CCDC62: variants seen among roughly 807,000 people sequenced by gnomAD.
CCDC62 encodes the protein coiled-coil domain containing 62, also known as coiled-coil domain-containing protein 62.
CCDC62 carries 72 observed loss-of-function variants against 80.8 expected under a neutral mutation model. That is an observed-to-expected ratio of 0.89 (90% confidence interval 0.74 to 1.08). The LOEUF is 1.08. CCDC62 is among the 50% of genes least tolerant of loss of function. The probability of loss-of-function intolerance (pLI) is 0.00; values close to 1 mark genes in which losing one functional copy is unlikely to be tolerated. For synonymous variants in CCDC62, 286 were observed against 296.5 expected, an observed-to-expected ratio of 0.96 and a Z score of 0.36; for missense variants, 704 against 809.4, an observed-to-expected ratio of 0.87 and a Z score of 1.58.
chr12:122,781,141 A>G (rs12312837), intron 2 of CCDC62, 23 bp from the exon 3 acceptor site: 90,523 of 1,592,712 alleles, frequency 0.057, 3,813 homozygotes, highest in East Asian at 0.27. Flanking sequence ...TGTGACTACA[A>G]ATTATTGATG....
At chr12:122,817,928 C>T (rs114692683) in intron 11 of CCDC62, among the ~76,000 whole-genome samples, 4 of 152,234 alleles carry the variant, frequency 2.6e-5, no homozygotes, top group African/African-American at 9.6e-5. Context: ...CCTTCTCCAC[C>T]TTGGCACCCT....
chr12:122,788,621 T>C (rs562213422), intron 4 of CCDC62, 137 bp from the exon 5 acceptor site: 2 of 588,958 alleles, frequency 3.4e-6, no homozygotes, highest in Non-Finnish European at 3.0e-6. Context: ...AGAGTTACTG[T>C]AAAGATTAAA....
intron 9 of CCDC62, among the ~76,000 whole-genome samples, chr12:122,804,380 G>A (rs556622106): frequency 2.0e-5 from 3 of 152,148 alleles, no homozygotes; most frequent in African/African-American, 4.8e-5. Flanking sequence ...CCAGCTACTC[G>A]GGAGGCTGAG....
intron 5 of CCDC62, 148 bp from the exon 6 acceptor site, chr12:122,791,872 T>C (rs1332326407): frequency 9.5e-6 from 6 of 634,834 alleles, no homozygotes; most frequent in Non-Finnish European, 1.1e-5. Context: ...TTGCCAGGTG[T>C]GGAGATGTTG....
intron 10 of CCDC62, among the ~76,000 whole-genome samples, chr12:122,812,768 AGAGAG>A (rs2031966675): frequency 9.0e-5 from 8 of 88,664 alleles, no homozygotes; most frequent in African/African-American, 3.3e-4. Context: ...AGAGAGAGAG[AGAGAG>A]AGAGAGAAAG....
At chr12:122,823,499 A>G (rs1226057086) in intron 12 of CCDC62, 40 bp downstream of exon 12, 1 of 947,102 alleles carries the variant, frequency 1.1e-6, no homozygotes, top group African/African-American at 1.6e-5. Context: ...ATCTCAATTA[A>G]TATTTAATAA....
chr12:122,774,811 C>A, intron 1 of CCDC62, 105 bp downstream of exon 1: 1 of 918,016 alleles, frequency 1.1e-6, no homozygotes, highest in South Asian at 5.6e-5. Flanking sequence ...TGAAACAGGC[C>A]GGGCGCGGTG....
chr12:122,787,745 A>G (rs1363282608), intron 4 of CCDC62, among the ~76,000 whole-genome samples: 1 of 151,498 alleles, frequency 6.6e-6, no homozygotes, highest in Non-Finnish European at 1.5e-5. Context: ...GCGAGACTTC[A>G]TCTGGAAAAA....
intron 11 of CCDC62, among the ~76,000 whole-genome samples, chr12:122,818,327 CCTGTAGTCCCGGCTACTTGAAAGG>C (rs1172963480): frequency 6.6e-6 from 1 of 151,992 alleles, no homozygotes; most frequent in Non-Finnish European, 1.5e-5. Flanking sequence ...GTGGCGGGCG[CCTGTAGTCCCGGCTACTTGAAAGG>C]CTGAGGCAGG....
intron 2 of CCDC62, 101 bp from the exon 3 acceptor site, chr12:122,781,063 A>T: frequency 1.2e-6 from 1 of 858,814 alleles, no homozygotes; most frequent in Non-Finnish European, 1.8e-6. Context: ...TTGTCTTTTT[A>T]AAAATTCTCT....
intron 4 of CCDC62, among the ~76,000 whole-genome samples, chr12:122,788,300 A>G (rs2030391100): frequency 6.6e-6 from 1 of 152,210 alleles, no homozygotes; most frequent in Non-Finnish European, 1.5e-5. Context: ...GGAGTCTGTC[A>G]TGTTAACAAG....
chr12:122,821,851 T>G (rs761938217), intron 11 of CCDC62, among the ~76,000 whole-genome samples: 1 of 152,178 alleles, frequency 6.6e-6, no homozygotes, highest in African/African-American at 2.4e-5. Context: ...AAACCAGCTG[T>G]GTATCTATCA....
intron 6 of CCDC62, among the ~76,000 whole-genome samples, chr12:122,792,666 A>G (rs839361): frequency 0.93 from 141,899 of 152,038 alleles, 66,382 homozygotes; most frequent in East Asian, 0.99. Context: ...TTACAGGCGC[A>G]TGCTACCATG....
chr12:122,778,102 C>G (rs1314073629), intron 2 of CCDC62, among the ~76,000 whole-genome samples: 2 of 152,138 alleles, frequency 1.3e-5, no homozygotes, highest in Non-Finnish European at 2.9e-5. Flanking sequence ...CACAGTGGCT[C>G]ACACCTGTAA....
intron 6 of CCDC62, 110 bp from the exon 7 acceptor site, chr12:122,797,197 A>G (rs79206681): frequency 3.2e-6 from 2 of 619,882 alleles, no homozygotes; most frequent in South Asian, 3.5e-5. Flanking sequence ...ATTTTTAAGT[A>G]CAGGAACAAC....
intron 9 of CCDC62, among the ~76,000 whole-genome samples, chr12:122,805,506 G>A (rs572234673): frequency 9.5e-6 from 1 of 105,210 alleles, no homozygotes; most frequent in Non-Finnish European, 1.9e-5. Flanking sequence ...ACCACACCCA[G>A]CTCTTTTTTT....
intron 11 of CCDC62, among the ~76,000 whole-genome samples, chr12:122,822,103 CTTT>C (rs60304984): frequency 1.4e-3 from 147 of 102,312 alleles, no homozygotes; most frequent in African/African-American, 4.7e-3. Context: ...CATTATTTAT[CTTT>C]TTTTTTTTTT....
intron 4 of CCDC62, among the ~76,000 whole-genome samples, chr12:122,787,335 C>A (rs1418870899): frequency 1.3e-5 from 2 of 151,888 alleles, no homozygotes; most frequent in Admixed American, 6.6e-5. Flanking sequence ...CCTGTAATGC[C>A]AGCTACTCTG....
At position 122,781,217 on chromosome 12, in the gene CCDC62, G is replaced by T; in HGVS notation, c.283G>T (p.Ala95Ser). Residue 95 changes from alanine (A) to serine (S), a missense_variant, in exon 3 of 13, where the codon GCT becomes TCT. Physicochemically the swap from Ala to Ser is moderately conservative, Grantham distance 99. Transcript: ENST00000253079. ...CAGGTCACTCACGAAGAAGGTAAAA[G>T]CTCTTGAATCCAATCAAATGGAATG... is the stretch of plus-strand genomic sequence containing the variant. The part of the protein sequence containing the change: ...IIRSLTKKVK[A>S]LESNQMECQT... 2 of 1,613,992 alleles carry T rather than the reference G, an allele frequency of 1.2e-6. No homozygotes were observed. Among genetic ancestry groups the T allele is most frequent in the Non-Finnish European group, 1.7e-6 (2 of 1,179,904 alleles).
Sources: allele counts gnomAD v4.1 joint callset (sites outside exome capture counted in the v4.1 genomes callset), GRCh38; gene constraint gnomAD v4.1.1; transcripts MANE v1.5; gene names NCBI Gene and HGNC (gene_info 2026-07-23, HGNC 2026-07-21).